Variants in CCDC73 observed in about 807,000 individuals in gnomAD.
The protein encoded by CCDC73 is coiled-coil domain-containing protein 73.
CCDC73 carries 95 observed loss-of-function variants against 116.5 expected under a neutral mutation model. The observed-to-expected ratio is 0.82, with a 90% CI of 0.69 to 0.97. The LOEUF (loss-of-function observed/expected upper bound fraction) is 0.97. CCDC73 is among the 50% of genes least tolerant of loss of function. CCDC73 has a pLI of 0.00. For missense variants in CCDC73, 1,066 were observed against 1,206.8 expected (o/e 0.88, Z 1.73); for synonymous variants, 398 against 401.3 (o/e 0.99, Z 0.10).
chr11:32,613,030 T>C (rs1014255377), intron 16 of CCDC73, among the ~76,000 whole-genome samples: 20 of 152,204 alleles, frequency 1.3e-4, no homozygotes, highest in African/African-American at 4.8e-5. Flanking sequence ...ATTAATGTTA[T>C]GCCTCATTAT....
At chr11:32,717,324 A>G (rs1307645451) in intron 3 of CCDC73, among the ~76,000 whole-genome samples, 1 of 152,232 alleles carries the variant, frequency 6.6e-6, no homozygotes, top group East Asian at 1.9e-4. Flanking sequence ...GGAGAAAATA[A>G]GAGCTGCTAC....
At position 32,761,732 on chromosome 11, in the gene CCDC73, G is replaced by T. The variant is rs181781595; in HGVS notation, c.-15-1474C>A. ...GGGGTGTATGTATATATGTGCAAAA[G>T]ACTCATATGCACATATATATAGACA... On this transcript the variant is annotated intron_variant, in intron 1 of 17. Coordinates refer to ENST00000335185, the MANE Select transcript of CCDC73 (RefSeq NM_001008391.4). Among the ~76,000 whole-genome samples, 11 of 152,182 alleles carry T rather than the reference G, an allele frequency of 7.2e-5. 1 individual carries two copies. In the East Asian group the frequency reaches 1.9e-3, roughly 27 times the overall value.
chr11:32,681,884 C>T (rs1403998715), intron 7 of CCDC73: 1 of 151,734 alleles, frequency 6.6e-6, no homozygotes, highest in Non-Finnish European at 1.5e-5. Flanking sequence ...GTACTTCTAA[C>T]TTTTAAATCC....
At chr11:32,608,620 G>T (rs1855384271) in intron 17 of CCDC73, among the ~76,000 whole-genome samples, 1 of 152,118 alleles carries the variant, frequency 6.6e-6, no homozygotes, top group East Asian at 1.9e-4. Context: ...GAGGATGGTG[G>T]CCCTCTTCTC....
intron 15 of CCDC73, 87 bp downstream of exon 15, chr11:32,615,853 G>A (rs766487815): frequency 8.5e-6 from 10 of 1,180,474 alleles, no homozygotes; most frequent in Non-Finnish European, 1.2e-5. Flanking sequence ...GTCATGAAGA[G>A]GGGAGGCAGA....
intron 1 of CCDC73, among the ~76,000 whole-genome samples, chr11:32,777,499 T>C (rs1473539332): frequency 1.3e-5 from 2 of 152,158 alleles, no homozygotes; most frequent in African/African-American, 2.4e-5. Context: ...AAATACAGGC[T>C]CATATTTTAA....
At chr11:32,798,049 T>A (rs888079972), upstream of CCDC73, among the ~76,000 whole-genome samples, 1 of 152,228 alleles carries the variant, frequency 6.6e-6, no homozygotes, top group Non-Finnish European at 1.5e-5. Flanking sequence ...TCAGGCTATA[T>A]GCATAAGGTG....
chr11:32,786,396 TA>T (rs1194490226), intron 1 of CCDC73, among the ~76,000 whole-genome samples: 2 of 111,844 alleles, frequency 1.8e-5, no homozygotes, highest in Non-Finnish European at 4.2e-5. Flanking sequence ...TATATAATTA[TA>T]ATATATAATA....
chr11:32,802,642 G>A, the CCDC73 span, among the ~76,000 whole-genome samples: 8 of 152,276 alleles, frequency 5.3e-5, no homozygotes, highest in South Asian at 1.7e-3. Flanking sequence ...AGCAATTCCT[G>A]GTGATTATTA....
chr11:32,779,677 ATAAGCT>A (rs1474228649), intron 1 of CCDC73, among the ~76,000 whole-genome samples: 2 of 152,158 alleles, frequency 1.3e-5, no homozygotes, highest in Non-Finnish European at 2.9e-5. Context: ...GAACCAATTA[ATAAGCT>A]TAGGAGAATG....
In CCDC73 at chr11:32,691,044, C is replaced by A. The variant is rs373987780; in HGVS notation, c.391-7470G>T. On this transcript the variant is annotated intron_variant, in intron 6 of 17. Coordinates refer to ENST00000335185, the MANE Select transcript of CCDC73 (RefSeq NM_001008391.4). ...CTCTCCCTCCTTCAACCCCTGGCAACCACTTTTTTTTTTTTTTCAAGACCA... is the reference window on the plus strand; with the variant it reads ...CTCTCCCTCCTTCAACCCCTGGCAAACACTTTTTTTTTTTTTTCAAGACCA... 9.9e-5 allele frequency among the ~76,000 whole-genome samples: 15 copies of A among 150,916 alleles called. 1 individual carries two copies. Among genetic ancestry groups the A allele is most frequent in the Admixed American group, 8.1e-4 (12 of 14,868 alleles).
intron 9 of CCDC73, among the ~76,000 whole-genome samples, chr11:32,669,773 G>A (rs138463552): frequency 3.3e-4 from 50 of 152,278 alleles, no homozygotes; most frequent in Non-Finnish European, 5.9e-4. Flanking sequence ...TTCTATCCAT[G>A]TTTTTGCAAA....
chr11:32,718,885 T>C lies in CCDC73; in HGVS notation c.136-738A>G, dbSNP rs557275740. On this transcript the variant is annotated intron_variant, in intron 2 of 17. Coordinates refer to ENST00000335185, the MANE Select transcript of CCDC73 (RefSeq NM_001008391.4). ...GCAGGAATACATGCTAGGCCCAGCA[T>C]TACATATGAAGGAGGGACCAAACAC... 5.9e-5 allele frequency among the ~76,000 whole-genome samples: 9 copies of C among 152,220 alleles called. No homozygotes were observed. In the South Asian group the frequency reaches 1.5e-3, roughly 25 times the overall value.
rs1329071952 is a variant in CCDC73, at chr11:32,776,942, T to A, written c.-15-16684A>T. 7.2e-3 allele frequency among the ~76,000 whole-genome samples: 192 copies of A among 26,840 alleles called. 1 individual carries two copies. The highest frequency in any genetic ancestry group is 0.023 in the South Asian group (13 of 558). 17.6% of individuals were successfully genotyped at this position (26,840 alleles called of 152,430 possible). ...AGTATGGTTAAAAAAAAAAAATATA[T>A]ATATATATATATATATATACACACA... On this transcript the variant is annotated intron_variant, in intron 1 of 17. Transcript: ENST00000335185.
chr11:32,641,418 A>G (rs997382337), intron 13 of CCDC73, among the ~76,000 whole-genome samples: 12 of 152,164 alleles, frequency 7.9e-5, no homozygotes, highest in African/African-American at 2.9e-4. Flanking sequence ...AATTATTATA[A>G]AATAAAAAAA....
chr11:32,823,760 A>G, the CCDC73 span, among the ~76,000 whole-genome samples: 1 of 152,128 alleles, frequency 6.6e-6, no homozygotes, highest in Non-Finnish European at 1.5e-5. Flanking sequence ...TTTTTTTTTA[A>G]ACAGGATGTT....
intron 2 of CCDC73, among the ~76,000 whole-genome samples, chr11:32,752,212 C>T (rs1423147706): frequency 1.3e-5 from 2 of 152,174 alleles, no homozygotes; most frequent in Non-Finnish European, 2.9e-5. Flanking sequence ...AGTCACATGA[C>T]CTGGGCTAAG....
chr11:32,715,386 T>G (rs1458356958), intron 3 of CCDC73, among the ~76,000 whole-genome samples: 2 of 152,140 alleles, frequency 1.3e-5, no homozygotes, highest in Non-Finnish European at 2.9e-5. Flanking sequence ...TTTTTCCACG[T>G]TGGTGTGTTC....
At chr11:32,655,680 C>T (rs1420094052) in intron 9 of CCDC73, among the ~76,000 whole-genome samples, 2 of 152,148 alleles carry the variant, frequency 1.3e-5, no homozygotes, top group African/African-American at 2.4e-5. Context: ...TTGTACGTTA[C>T]GCTACAGAGT....
Sources: gnomAD v4.1 joint callset for allele counts (sites outside exome capture counted in the v4.1 genomes callset) on GRCh38, gnomAD v4.1.1 for gene constraint, MANE v1.5 for transcripts, NCBI Gene and HGNC (gene_info 2026-07-23, HGNC 2026-07-21) for gene names.